Variants in NBAS observed in about 807,000 individuals in gnomAD.
NBAS encodes the protein NAG/BC035112 fusion.
A neutral mutation model predicts 302.5 loss-of-function variants in NBAS; 219 were observed. The observed-to-expected ratio is 0.72, with a 90% CI of 0.65 to 0.81. The LOEUF (loss-of-function observed/expected upper bound fraction) is 0.81, where lower values mean the gene tolerates loss of function less well. Among genes scored for constraint, NBAS ranks in the 30% least tolerant of loss-of-function variants. The probability of loss-of-function intolerance (pLI) is 0.00; values close to 1 mark genes in which losing one functional copy is unlikely to be tolerated. For synonymous variants in NBAS, 1,118 were observed against 1,021.6 expected (o/e 1.09, Z -1.80); for missense variants, 2,932 against 2,841.6 (o/e 1.03, Z -0.72).
chr2:15,032,280 G>T, the NBAS span, among the ~76,000 whole-genome samples: 83 of 152,362 alleles, frequency 5.4e-4, no homozygotes, highest in African/African-American at 1.9e-3. Flanking sequence ...GTTTTGAGGT[G>T]CATGCTAGAA....
chr2:15,406,672 C>G (rs114488768), intron 25 of NBAS, among the ~76,000 whole-genome samples: 1 of 151,816 alleles, frequency 6.6e-6, no homozygotes, highest in Non-Finnish European at 1.5e-5. Context: ...GTTAGTTACA[C>G]GAATATGTAA....
At chr2:15,239,151 T>C (rs1405329739) in intron 44 of NBAS, among the ~76,000 whole-genome samples, 1 of 152,104 alleles carries the variant, frequency 6.6e-6, no homozygotes, top group Non-Finnish European at 1.5e-5. Flanking sequence ...CAGGCTGGAA[T>C]ATTATGTAGT....
chr2:15,054,039 C>A, the NBAS span, among the ~76,000 whole-genome samples: 1 of 152,118 alleles, frequency 6.6e-6, no homozygotes, highest in South Asian at 2.1e-4. Context: ...GAGATCATTG[C>A]TTTGTCATGG....
chr2:15,485,363 C>A (rs753936094), intron 12 of NBAS, among the ~76,000 whole-genome samples: 1 of 152,160 alleles, frequency 6.6e-6, no homozygotes, highest in East Asian at 1.9e-4. Context: ...TAATAGGATG[C>A]CACTAAATAA....
the NBAS span, among the ~76,000 whole-genome samples, chr2:15,082,984 T>C: frequency 6.6e-6 from 1 of 152,100 alleles, no homozygotes; most frequent in Admixed American, 6.5e-5. Flanking sequence ...TAATGGGCAA[T>C]TCCCCCCCAC....
At chr2:15,360,715 A>C (rs1313835731) in intron 32 of NBAS, among the ~76,000 whole-genome samples, 1 of 149,132 alleles carries the variant, frequency 6.7e-6, no homozygotes, top group African/African-American at 2.5e-5. Context: ...ACAAACACAC[A>C]TATTAGTCTA....
At chr2:15,145,921 C>T in the NBAS span, among the ~76,000 whole-genome samples, 4 of 152,012 alleles carry the variant, frequency 2.6e-5, no homozygotes, top group Admixed American at 6.6e-5. Context: ...ATGCTTTCTT[C>T]GAGACTCCCT....
At chr2:15,337,979 C>A (rs969742993) in intron 35 of NBAS, among the ~76,000 whole-genome samples, 2 of 152,172 alleles carry the variant, frequency 1.3e-5, no homozygotes, top group African/African-American at 2.4e-5. Flanking sequence ...TGGTTCCCAG[C>A]ATAAAATTTA....
the NBAS span, among the ~76,000 whole-genome samples, chr2:14,809,742 G>T: frequency 6.6e-6 from 1 of 152,136 alleles, no homozygotes; most frequent in Non-Finnish European, 1.5e-5. Context: ...CCCCCAAATG[G>T]TAGACTCACC....
chr2:14,971,047 G>C, the NBAS span, among the ~76,000 whole-genome samples: 1 of 152,140 alleles, frequency 6.6e-6, no homozygotes, highest in Non-Finnish European at 1.5e-5. Context: ...TCTCTTCATT[G>C]CCAACAATGG....
At chr2:15,336,515 C>T (rs1040474432) in intron 35 of NBAS, among the ~76,000 whole-genome samples, 7 of 152,072 alleles carry the variant, frequency 4.6e-5, no homozygotes, top group East Asian at 1.9e-4. Flanking sequence ...GGGCAGATCA[C>T]GAGGTCAGGA....
At chr2:14,973,937 C>T in the NBAS span, among the ~76,000 whole-genome samples, 1 of 152,160 alleles carries the variant, frequency 6.6e-6, no homozygotes, top group Non-Finnish European at 1.5e-5. Context: ...CCCCCTCTGC[C>T]TGAAATGCCA....
At chr2:14,848,556 G>C in the NBAS span, among the ~76,000 whole-genome samples, 4,310 of 119,566 alleles carry the variant, frequency 0.036, 486 homozygotes, top group African/African-American at 0.14. Context: ...CAGGAAGCTT[G>C]AACTGGGTGG....
chr2:15,546,085 G>A (rs1167618040), intron 6 of NBAS, among the ~76,000 whole-genome samples: 1 of 152,188 alleles, frequency 6.6e-6, no homozygotes, highest in Non-Finnish European at 1.5e-5. Context: ...ACTCTGGAAA[G>A]TGCTTCTTAA....
intron 11 of NBAS, among the ~76,000 whole-genome samples, chr2:15,503,535 C>T (rs551213342): frequency 3.3e-5 from 5 of 152,292 alleles, no homozygotes; most frequent in African/African-American, 1.2e-4. Context: ...CAGTGTAGGT[C>T]AAGACTCTTG....
chr2:15,107,916 C>T, the NBAS span, among the ~76,000 whole-genome samples: 6 of 152,088 alleles, frequency 3.9e-5, no homozygotes, highest in Admixed American at 1.3e-4. Flanking sequence ...TCATTCCTAG[C>T]GTTTCCTATG....
the NBAS span, among the ~76,000 whole-genome samples, chr2:14,787,817 A>G: frequency 6.6e-6 from 1 of 152,092 alleles, no homozygotes; most frequent in African/African-American, 2.4e-5. Flanking sequence ...TGCTGTTCTC[A>G]AGGAGTATCT....
rs1661730953 is a variant in NBAS, at chr2:15,504,166, G to A, written c.933C>T (p.Tyr311=). The part of the protein sequence containing the change: ...GLLRMLSVKF[Y]SRQGQEQDGI... ...TTACCTGTTCTTGTCCCTGGCGACT[G>A]TAAAACTTGACACTTAACATCCTTA... The change falls in exon 11 of 52, where the codon TAC becomes TAT. Residue 311 remains tyrosine (Y), a synonymous_variant. Transcript: ENST00000281513. The A allele has an allele frequency of 9.9e-6, 16 of 1,613,394 alleles. No individual in the cohort carries two copies. Among genetic ancestry groups the A allele is most frequent in the Admixed American group, 1.7e-5 (1 of 59,994 alleles).
the NBAS span, among the ~76,000 whole-genome samples, chr2:14,890,119 G>A: frequency 2.0e-5 from 3 of 152,078 alleles, no homozygotes; most frequent in Non-Finnish European, 4.4e-5. Context: ...TCCCTTAGAA[G>A]ACCTACTGTT....
Sources: gnomAD v4.1 joint callset for allele counts (sites outside exome capture counted in the v4.1 genomes callset) on GRCh38, gnomAD v4.1.1 for gene constraint, MANE v1.5 for transcripts, NCBI Gene and HGNC (gene_info 2026-07-23, HGNC 2026-07-21) for gene names.